The following DLG2 variants were observed in gnomAD, a reference collection of about 807,000 sequenced individuals.
DLG2 encodes the protein discs large MAGUK scaffold protein 2, also known as disks large homolog 2.
A neutral mutation model predicts 132.5 loss-of-function variants in DLG2; 45 were observed. The ratio of observed to expected loss-of-function variants is 0.34; its 90% confidence interval spans 0.27 to 0.44. The LOEUF (loss-of-function observed/expected upper bound fraction) is 0.44. Ranked by LOEUF, DLG2 falls within the 20% of genes least tolerant of loss-of-function variation. The pLI is 1.00. For missense variants in DLG2, 1,045 were observed against 1,196.9 expected (o/e 0.87, Z 1.87); for synonymous variants, 424 against 419.6 (o/e 1.01, Z -0.13).
chr11:84,286,780 C>G (rs2097914335), intron 7 of DLG2, among the ~76,000 whole-genome samples: 1 of 152,136 alleles, frequency 6.6e-6, no homozygotes, highest in African/African-American at 2.4e-5. Flanking sequence ...AGAGATGCCC[C>G]TGAGCCATGG....
chr11:83,873,095 C>G lies in DLG2; in HGVS notation c.1565+1325G>C, dbSNP rs532070040. On this transcript the variant is annotated intron_variant, in intron 16 of 27. Transcript: ENST00000376104. Reference sequence around the variant, plus strand: ...TGAATTGTACAACCAGTGCTCTCCACCTCAATAAAGTCTTTTCGTACCACA... The same window carrying G: ...TGAATTGTACAACCAGTGCTCTCCAGCTCAATAAAGTCTTTTCGTACCACA... Among the ~76,000 whole-genome samples, 11 of 152,288 alleles carry G rather than the reference C, an allele frequency of 7.2e-5. No individual in the cohort carries two copies. In the South Asian group the frequency reaches 8.3e-4, roughly 11 times the overall value.
At chr11:83,851,504 G>C (rs2059767429) in intron 16 of DLG2, among the ~76,000 whole-genome samples, 1 of 151,950 alleles carries the variant, frequency 6.6e-6, no homozygotes, top group African/African-American at 2.4e-5. Flanking sequence ...GCAGGCACCT[G>C]TAATCCCAGC....
chr11:83,650,159 C>T (rs1296263972), intron 18 of DLG2, among the ~76,000 whole-genome samples: 1 of 152,086 alleles, frequency 6.6e-6, no homozygotes, highest in East Asian at 1.9e-4. Context: ...AATGATGGCC[C>T]CCAAGTATAT....
chr11:84,105,675 T>C (rs1301586994), intron 9 of DLG2, among the ~76,000 whole-genome samples: 1 of 152,126 alleles, frequency 6.6e-6, no homozygotes, highest in Non-Finnish European at 1.5e-5. Context: ...GGTTATAGTA[T>C]TGAAACCTTA....
At position 83,547,534 on chromosome 11, in the gene DLG2, C is replaced by A. The variant is rs1183949396; in HGVS notation, c.1941-5676G>T. ...TGGCTTCAAAGTTAGAGGAAGAGGA[C>A]CACAAGCCAAGGAAAATGGTGGCCT... On this transcript the variant is annotated intron_variant, in intron 19 of 27. Transcript: ENST00000376104. Among the ~76,000 whole-genome samples, 39 of 152,042 alleles carry A rather than the reference C, an allele frequency of 2.6e-4. 2 individuals carry two copies. Among genetic ancestry groups the A allele is most frequent in the Admixed American group, 2.6e-3 (39 of 15,232 alleles).
intron 22 of DLG2, 37 bp downstream of exon 22, chr11:83,484,092 A>T: frequency 6.4e-7 from 1 of 1,562,316 alleles, no homozygotes; most frequent in South Asian, 1.1e-5. Flanking sequence ...TTTTTCTCTT[A>T]TGTTGCATGT....
intron 4 of DLG2, among the ~76,000 whole-genome samples, chr11:85,175,202 A>C (rs577995960): frequency 8.5e-5 from 13 of 152,350 alleles, no homozygotes; most frequent in Admixed American, 7.2e-4. Flanking sequence ...ATGAACATCG[A>C]TGCAAAAATC....
chr11:84,235,978 T>G (rs890994531), intron 8 of DLG2, among the ~76,000 whole-genome samples: 3 of 151,978 alleles, frequency 2.0e-5, no homozygotes, highest in African/African-American at 7.2e-5. Flanking sequence ...CTATTTTTAT[T>G]CCTACAATGA....
chr11:85,127,110 T>C (rs1449063880), intron 5 of DLG2, among the ~76,000 whole-genome samples: 1 of 152,128 alleles, frequency 6.6e-6, no homozygotes. Context: ...CTCAACTTCA[T>C]GATATTTGTG....
chr11:85,038,236 A>G (rs1337256928), intron 6 of DLG2, among the ~76,000 whole-genome samples: 1 of 152,126 alleles, frequency 6.6e-6, no homozygotes, highest in African/African-American at 2.4e-5. Flanking sequence ...TCAGAAAGCT[A>G]CAGATATAAT....
At chr11:84,537,617 A>G (rs1408795079) in intron 6 of DLG2, among the ~76,000 whole-genome samples, 3 of 152,146 alleles carry the variant, frequency 2.0e-5, no homozygotes, top group Non-Finnish European at 2.9e-5. Flanking sequence ...CTTCATGTGC[A>G]TGTTCCCATA....
chr11:84,837,605 A>AT (rs2079994965), intron 6 of DLG2, among the ~76,000 whole-genome samples: 1 of 151,800 alleles, frequency 6.6e-6, no homozygotes, highest in Non-Finnish European at 1.5e-5. Flanking sequence ...CCATTGTGTG[A>AT]TTTTATGATT....
At chr11:85,217,862 G>T (rs1009250483) in intron 4 of DLG2, among the ~76,000 whole-genome samples, 2 of 152,190 alleles carry the variant, frequency 1.3e-5, no homozygotes, top group South Asian at 4.1e-4. Flanking sequence ...ATGTCAGGAA[G>T]AGTATTTCCT....
At chr11:84,751,126 G>A (rs1279421121) in intron 6 of DLG2, among the ~76,000 whole-genome samples, 2 of 152,160 alleles carry the variant, frequency 1.3e-5, no homozygotes, top group African/African-American at 2.4e-5. Flanking sequence ...ATACATGTTC[G>A]ACTCTTATAT....
chr11:83,519,915 G>A (rs2095420664), intron 21 of DLG2, among the ~76,000 whole-genome samples: 2 of 152,124 alleles, frequency 1.3e-5, no homozygotes, highest in Admixed American at 6.5e-5. Context: ...AGACTTGGGA[G>A]GTGTTCACAG....
At chr11:85,464,030 CGAGA>C (rs1297745224) in intron 3 of DLG2, among the ~76,000 whole-genome samples, 2 of 18,150 alleles carry the variant, frequency 1.1e-4, no homozygotes, top group Admixed American at 3.8e-4. Context: ...ACACGCCCCC[CGAGA>C]GAGAGAGATT....
chr11:83,626,498 C>G (rs925310684), intron 19 of DLG2, among the ~76,000 whole-genome samples: 1 of 152,036 alleles, frequency 6.6e-6, no homozygotes, highest in Admixed American at 6.6e-5. Flanking sequence ...TTTATGAATG[C>G]CTTAAGTTAA....
chr11:85,128,825 C>T (rs1348031321), intron 5 of DLG2, among the ~76,000 whole-genome samples: 1 of 152,082 alleles, frequency 6.6e-6, no homozygotes, highest in Non-Finnish European at 1.5e-5. Flanking sequence ...TCATTTACCT[C>T]AATGATCATA....
intron 7 of DLG2, among the ~76,000 whole-genome samples, chr11:84,413,269 A>T (rs144148043): frequency 3.3e-4 from 50 of 152,294 alleles, no homozygotes; most frequent in African/African-American, 1.2e-3. Context: ...TCTCCACCTG[A>T]ATCTGCTGAT....
Sources: allele counts gnomAD v4.1 joint callset (sites outside exome capture counted in the v4.1 genomes callset), GRCh38; gene constraint gnomAD v4.1.1; transcripts MANE v1.5; gene names NCBI Gene and HGNC (gene_info 2026-07-23, HGNC 2026-07-21).